The following SMIM31 variants were observed in gnomAD, a reference collection of about 807,000 sequenced individuals.
The protein encoded by SMIM31 is human epithelial cell program regulator.
Position 164,777,089 on chromosome 4 carries a change from A to G in SMIM31, c.112+6534A>G, listed in dbSNP as rs533620200. Among the ~76,000 whole-genome samples, 3 of 152,366 alleles carry G rather than the reference A, an allele frequency of 2.0e-5. No homozygotes were observed. In the South Asian group the frequency reaches 6.2e-4, roughly 32 times the overall value. On this transcript the variant is annotated intron_variant, in intron 2 of 2. Coordinates refer to ENST00000507311, the MANE Select transcript of SMIM31 (RefSeq NM_001352885.1). Reference sequence around the variant, plus strand: ...TCTTGAAAACTCAGTGACATGAAGCACAAATTAATTCAGAATAACACAAAT... The same window carrying G: ...TCTTGAAAACTCAGTGACATGAAGCGCAAATTAATTCAGAATAACACAAAT...
At chr4:164,792,495 C>A (rs1291477828) in intron 2 of SMIM31, among the ~76,000 whole-genome samples, 1 of 152,050 alleles carries the variant, frequency 6.6e-6, no homozygotes, top group South Asian at 2.1e-4. Context: ...AAAGGAAGAA[C>A]ATGAAGATGC....
intron 2 of SMIM31, among the ~76,000 whole-genome samples, chr4:164,793,246 A>C (rs1314764364): frequency 6.6e-6 from 1 of 152,216 alleles, no homozygotes; most frequent in African/African-American, 2.4e-5. Flanking sequence ...TGAAAAACTA[A>C]TTATTGAGCA....
chr4:164,789,179 C>T (rs528139106), intron 2 of SMIM31, among the ~76,000 whole-genome samples: 103 of 152,260 alleles, frequency 6.8e-4, no homozygotes, highest in African/African-American at 2.3e-3. Context: ...TCAAGGCTAG[C>T]CTCTGAATGT....
At chr4:164,791,077 G>A (rs1161540320) in intron 2 of SMIM31, among the ~76,000 whole-genome samples, 1 of 152,048 alleles carries the variant, frequency 6.6e-6, no homozygotes, top group Non-Finnish European at 1.5e-5. Flanking sequence ...TCCAAGAATA[G>A]TCACTTTCAA....
intron 1 of SMIM31, among the ~76,000 whole-genome samples, chr4:164,768,022 C>T (rs927084404): frequency 1.3e-5 from 2 of 151,794 alleles, no homozygotes; most frequent in African/African-American, 4.8e-5. Flanking sequence ...TGCTTGAACC[C>T]AGGAGTTTGA....
chr4:164,774,667 C>T (rs1055676925), intron 2 of SMIM31, among the ~76,000 whole-genome samples: 2 of 152,184 alleles, frequency 1.3e-5, no homozygotes, highest in Non-Finnish European at 2.9e-5. Context: ...ATCAACATCT[C>T]ATCCATTATT....
At chr4:164,795,984 A>G (rs1187419023) in intron 2 of SMIM31, among the ~76,000 whole-genome samples, 1 of 152,106 alleles carries the variant, frequency 6.6e-6, no homozygotes, top group Admixed American at 6.6e-5. Flanking sequence ...GACATCCTCA[A>G]AAGACTCTGA....
chr4:164,794,437 G>A (rs1204825676), intron 2 of SMIM31, among the ~76,000 whole-genome samples: 1 of 151,786 alleles, frequency 6.6e-6, no homozygotes, highest in African/African-American at 2.4e-5. Context: ...GTATATGTGG[G>A]GAAATTTCCA....
intron 1 of SMIM31, among the ~76,000 whole-genome samples, chr4:164,758,622 C>CTTTTTTTTTTTTTTTTT (rs779023276): frequency 2.8e-5 from 3 of 105,390 alleles, no homozygotes; most frequent in Non-Finnish European, 3.9e-5. Context: ...TGTAGTTTTC[C>CTTTTTTTTTTTTTTTTT]TTTTTTTGTT....
At chr4:164,766,338 C>T (rs1732720125) in intron 1 of SMIM31, among the ~76,000 whole-genome samples, 1 of 152,156 alleles carries the variant, frequency 6.6e-6, no homozygotes, top group South Asian at 2.1e-4. Context: ...TTTGCATCAA[C>T]TTGCCTTCTT....
chr4:164,780,540 A>G (rs1330079919), intron 2 of SMIM31, among the ~76,000 whole-genome samples: 1 of 152,230 alleles, frequency 6.6e-6, no homozygotes, highest in Non-Finnish European at 1.5e-5. Flanking sequence ...GAATCCTAAT[A>G]CTGGTAAACT....
At chr4:164,798,751 C>G (rs1306698676) in intron 2 of SMIM31, among the ~76,000 whole-genome samples, 2 of 152,052 alleles carry the variant, frequency 1.3e-5, no homozygotes, top group Non-Finnish European at 2.9e-5. Context: ...GTTGTCCCCT[C>G]TAAATCTCAT....
chr4:164,794,673 C>T (rs1019563561), intron 2 of SMIM31, among the ~76,000 whole-genome samples: 9 of 151,826 alleles, frequency 5.9e-5, no homozygotes, highest in African/African-American at 1.7e-4. Flanking sequence ...GGCATGGTGG[C>T]GTGCGCCTGT....
chr4:164,757,666 A>T (rs1732583465), intron 1 of SMIM31, among the ~76,000 whole-genome samples: 1 of 151,990 alleles, frequency 6.6e-6, no homozygotes, highest in Non-Finnish European at 1.5e-5. Flanking sequence ...CACTGTTTTC[A>T]AAAAAACATT....
intron 1 of SMIM31, among the ~76,000 whole-genome samples, chr4:164,765,908 T>A (rs935379635): frequency 6.6e-6 from 1 of 152,202 alleles, no homozygotes; most frequent in Non-Finnish European, 1.5e-5. Flanking sequence ...GCAGTCATTT[T>A]ACCTAGTCCC....
intron 1 of SMIM31, among the ~76,000 whole-genome samples, chr4:164,766,929 CAG>C (rs1732728072): frequency 6.6e-6 from 1 of 152,062 alleles, no homozygotes; most frequent in African/African-American, 2.4e-5. Context: ...AGAGAAGACA[CAG>C]AGAAAGTAGA....
intron 2 of SMIM31, among the ~76,000 whole-genome samples, chr4:164,789,815 C>G (rs953248268): frequency 6.6e-6 from 1 of 152,114 alleles, no homozygotes; most frequent in Non-Finnish European, 1.5e-5. Flanking sequence ...CCTTCTCTGA[C>G]GAAAACTGAA....
chr4:164,762,046 C>T (rs17045449), intron 1 of SMIM31, among the ~76,000 whole-genome samples: 19,765 of 152,086 alleles, frequency 0.13, 1,553 homozygotes, highest in African/African-American at 0.21. Flanking sequence ...GGAGGAGAAA[C>T]GTGAAAGAGT....
intron 2 of SMIM31, among the ~76,000 whole-genome samples, chr4:164,798,059 A>T (rs1025659565): frequency 6.6e-6 from 1 of 152,130 alleles, no homozygotes; most frequent in African/African-American, 2.4e-5. Context: ...TGCAAAAGAC[A>T]TGATTTCATT....
Sources: gnomAD v4.1 joint callset for allele counts (sites outside exome capture counted in the v4.1 genomes callset) on GRCh38, gnomAD v4.1.1 for gene constraint, MANE v1.5 for transcripts, NCBI Gene and HGNC (gene_info 2026-07-23, HGNC 2026-07-21) for gene names.